Variants in SOX9 observed in about 807,000 individuals in gnomAD.
SOX9 encodes transcription factor SOX-9.
Under a neutral mutation model 44.8 loss-of-function variants are expected in SOX9, and 2 were observed. That is an observed-to-expected ratio of 0.04 (90% CI 0.02 to 0.14). SOX9 has a LOEUF of 0.14. SOX9 is among the 10% of genes least tolerant of loss of function. The pLI, the probability that SOX9 is intolerant of heterozygous loss-of-function variation, is 1.00. For missense variants in SOX9, 583 were observed against 728.6 expected (o/e 0.80, Z 2.30); for synonymous variants, 381 against 331.8 (o/e 1.15, Z -1.61).
At position 72,124,326 on chromosome 17, in the gene SOX9, C is replaced by T. The variant is rs769231694; in HGVS notation, c.1469C>T (p.Pro490Leu). Residue 490 changes from proline (P) to leucine (L), a missense_variant, in exon 3 of 3, where the codon CCG becomes CTG. By Grantham distance (98) the Pro-to-Leu change is moderately conservative (BLOSUM62 -3). This residue lies in a region of SOX9 where 349 missense variants were observed against 387.0 expected (regional missense o/e 0.90). Coordinates refer to ENST00000245479, the MANE Select transcript of SOX9 (RefSeq NM_000346.4). This position sits in a 1 kb window ranked among gnomAD's most constrained non-coding sequence, Gnocchi z 4.6. Reference sequence around the variant, plus strand: ...GACACCTCTGGGGTCCCTTCCATCCCGCAGACCCACAGCCCCCAGCACTGG... The same window carrying T: ...GACACCTCTGGGGTCCCTTCCATCCTGCAGACCCACAGCCCCCAGCACTGG... ...IADTSGVPSI[P>L]QTHSPQHWEQ... 3 of 1,603,804 alleles carry T rather than the reference C, an allele frequency of 1.9e-6. No homozygotes were observed. The highest frequency in any genetic ancestry group is 1.3e-5 in the African/African-American group (1 of 74,978).
rs184391511 is a variant in SOX9 at position 72,121,201 on chromosome 17, G to T, written c.-191G>T. On this transcript the variant is annotated 5_prime_UTR_variant, in exon 1 of 3. Coordinates refer to ENST00000245479, the MANE Select transcript of SOX9 (RefSeq NM_000346.4). This position sits in a 1 kb window ranked among gnomAD's most constrained non-coding sequence, Gnocchi z 8.3. ...ATTCGCCTCCCCCCACTTGGAGCGG[G>T]CAGCTGTGAACTGGCCACCCCGCGC... 6.4e-5 allele frequency: 38 copies of T among 596,440 alleles called. No individual in the cohort carries two copies. The African/African-American group carries it at 7.1e-4, about 11-fold the overall frequency. 36.9% of individuals were successfully genotyped at this position (596,440 alleles called of 1,614,324 possible).
At position 72,123,996 on chromosome 17, in the gene SOX9, A is replaced by ACACGCTGAC. The variant is rs1486257792; in HGVS notation, c.1148_1156dup (p.Thr383_Leu385dup). The stretch of plus-strand genomic sequence containing the variant: ...GCACCCCCGCAGCAGCCACAGGCGC[A>ACACGCTGAC]CACGCTGACCACGCTGAGCAGCGAG... On this transcript the variant is annotated inframe_insertion, in exon 3 of 3. Transcript: ENST00000245479. This position sits in a 1 kb window ranked among gnomAD's most constrained non-coding sequence, Gnocchi z 6.5. The ACACGCTGAC allele has an allele frequency of 1.3e-6, 2 of 1,599,230 alleles. No homozygotes were observed. The highest frequency in any genetic ancestry group is 2.2e-5 in the East Asian group (1 of 44,490).
rs780987236 is a variant in SOX9 at position 72,123,785 on chromosome 17, C to A, written c.928C>A (p.His310Asn). 1 of 1,613,076 alleles carries A rather than the reference C, an allele frequency of 6.2e-7. No homozygotes were observed. The highest frequency in any genetic ancestry group is 1.3e-5 in the African/African-American group (1 of 75,060). Residue 310 changes from histidine to asparagine, a missense_variant, in exon 3 of 3, where the codon CAC (histidine) becomes AAC (asparagine). By Grantham distance (68) the His-to-Asn change is moderately conservative (BLOSUM62 1). This residue lies in a region of SOX9 where 349 missense variants were observed against 387.0 expected (regional missense o/e 0.90). Coordinates refer to ENST00000245479, the MANE Select transcript of SOX9 (RefSeq NM_000346.4). This position sits in a 1 kb window ranked among gnomAD's most constrained non-coding sequence, Gnocchi z 6.5. ...CGGCCACCCGGGGGTGCCGGCCACG[C>A]ACGGCCAGGTCACCTACACGGGCAG... ...PNGHPGVPAT[H>N]GQVTYTGSYG... is the part of the protein sequence containing the mutation.
In SOX9 at chr17:72,123,866, T is replaced by C. The variant is rs774405051; in HGVS notation, c.1009T>C (p.Ser337Pro). ...GGCGAGCGCGGGCCACGTGTGGATG[T>C]CCAAGCAGCAGGCGCCGCCGCCACC... is the stretch of plus-strand genomic sequence containing the variant. ...TPASAGHVWM[S>P]KQQAPPPPPQ... is the part of the protein sequence containing the mutation. Residue 337 changes from serine (S) to proline (P), a missense_variant, in exon 3 of 3, where the codon TCC (serine) becomes CCC (proline). Coordinates refer to ENST00000245479, the MANE Select transcript of SOX9 (RefSeq NM_000346.4). This position sits in a 1 kb window ranked among gnomAD's most constrained non-coding sequence, Gnocchi z 6.5. 11 of 1,560,232 alleles carry C rather than the reference T, an allele frequency of 7.1e-6. No individual in the cohort carries two copies. The highest frequency in any genetic ancestry group is 9.5e-6 in the Non-Finnish European group (11 of 1,154,440).
chr17:72,123,807 G>A lies in SOX9; in HGVS notation c.950G>A (p.Gly317Asp), dbSNP rs749288263. Residue 317 changes from glycine to aspartate, a missense_variant, in exon 3 of 3, where the codon GGC becomes GAC. Gly to Asp is a moderately conservative substitution (Grantham distance 94, BLOSUM62 -1). This residue lies in a region of SOX9 where 349 missense variants were observed against 387.0 expected (regional missense o/e 0.90). Coordinates refer to ENST00000245479, the MANE Select transcript of SOX9 (RefSeq NM_000346.4). This position sits in a 1 kb window ranked among gnomAD's most constrained non-coding sequence, Gnocchi z 6.5. ...ACGCACGGCCAGGTCACCTACACGG[G>A]CAGCTACGGCATCAGCAGCACCGCG... Reference protein sequence around the residue: ...PATHGQVTYTGSYGISSTAAT... With the variant: ...PATHGQVTYTDSYGISSTAAT... 6 of 1,611,758 alleles carry A rather than the reference G, an allele frequency of 3.7e-6. No homozygotes were observed. Among genetic ancestry groups the A allele is most frequent in the Admixed American group, 3.3e-5 (2 of 59,958 alleles).
In SOX9 at chr17:72,123,565, C is replaced by G. The variant is rs2143250205; in HGVS notation, c.708C>G (p.Thr236=). 6.2e-6 allele frequency: 10 copies of G among 1,614,018 alleles called. No individual in the cohort carries two copies. The highest frequency in any genetic ancestry group is 8.5e-6 in the Non-Finnish European group (10 of 1,179,916). The change falls in exon 3 of 3, where the codon ACC becomes ACG. Residue 236 remains threonine, a synonymous_variant. Coordinates refer to ENST00000245479, the MANE Select transcript of SOX9 (RefSeq NM_000346.4). This position sits in a 1 kb window ranked among gnomAD's most constrained non-coding sequence, Gnocchi z 6.5. ...CAGGGCAATCCCAGGGCCCACCGAC[C>G]CCACCCACCACCCCCAAAACCGACG... is the stretch of plus-strand genomic sequence containing the variant. ...EHSGQSQGPP[T]PPTTPKTDVQ...
Position 72,121,200 on chromosome 17 carries a change from G to T in SOX9, c.-192G>T, listed in dbSNP as rs1411177363. Reference sequence around the variant, plus strand: ...AATTCGCCTCCCCCCACTTGGAGCGGGCAGCTGTGAACTGGCCACCCCGCG... The same window carrying T: ...AATTCGCCTCCCCCCACTTGGAGCGTGCAGCTGTGAACTGGCCACCCCGCG... On this transcript the variant is annotated 5_prime_UTR_variant, in exon 1 of 3. Coordinates refer to ENST00000245479, the MANE Select transcript of SOX9 (RefSeq NM_000346.4). This position sits in a 1 kb window ranked among gnomAD's most constrained non-coding sequence, Gnocchi z 8.3. The T allele has an allele frequency of 1.3e-5, 8 of 596,056 alleles. No homozygotes were observed. Among genetic ancestry groups the T allele is most frequent in the Non-Finnish European group, 2.4e-5 (8 of 338,362 alleles). The allele number at this position is 596,056 out of a possible 1,614,324, so 36.9% of individuals were successfully genotyped here.
rs929651 is a variant in SOX9 at position 72,123,970 on chromosome 17, G to T, written c.1113G>T (p.Ala371=). The part of the protein sequence containing the change: ...QPQAAPPQQP[A]APPQQPQAHT... The stretch of plus-strand genomic sequence containing the variant: ...AGGCGGCGCCCCCACAGCAGCCGGC[G>T]GCACCCCCGCAGCAGCCACAGGCGC... The change falls in exon 3 of 3, where the codon GCG becomes GCT. Residue 371 remains alanine, a synonymous_variant. Coordinates refer to ENST00000245479, the MANE Select transcript of SOX9 (RefSeq NM_000346.4). The surrounding 1 kb of genome is among the most constrained non-coding windows in gnomAD (Gnocchi z 6.5). 1.4e-6 allele frequency: 2 copies of T among 1,467,742 alleles called. No individual in the cohort carries two copies. The highest frequency in any genetic ancestry group is 9.0e-7 in the Non-Finnish European group (1 of 1,111,254). The allele number at this position is 1,467,742 out of a possible 1,614,324, so 90.9% of individuals were successfully genotyped here.
chr17:72,124,838 A>T lies in SOX9; in HGVS notation c.*451A>T. On this transcript the variant is annotated 3_prime_UTR_variant, in exon 3 of 3. Transcript: ENST00000245479. The surrounding 1 kb of genome is among the most constrained non-coding windows in gnomAD (Gnocchi z 4.6). ...ATTCTCTATTTTAAATATTTTTAGT[A>T]TGTACTGTGTATGATTCATTACCAT... The T allele has an allele frequency of 2.9e-6, 1 of 350,220 alleles. No individual in the cohort carries two copies. The highest frequency in any genetic ancestry group is 5.3e-6 in the Non-Finnish European group (1 of 187,504). 21.7% of individuals were successfully genotyped at this position (350,220 alleles called of 1,614,324 possible). A position where few individuals can be genotyped will look rare whatever the true frequency, so the allele number is the denominator to read the frequency against.
rs2143250170 is a variant in SOX9 at position 72,123,562 on chromosome 17, G to A, written c.705G>A (p.Pro235=). ...GEHSGQSQGP[P]TPPTTPKTDV... ...CCACAGGGCAATCCCAGGGCCCACC[G>A]ACCCCACCCACCACCCCCAAAACCG... Residue 235 remains proline (P), a synonymous_variant, in exon 3 of 3, where the codon CCG becomes CCA. Transcript: ENST00000245479. The surrounding 1 kb of genome is among the most constrained non-coding windows in gnomAD (Gnocchi z 6.5). The A allele has an allele frequency of 6.2e-7, 1 of 1,614,050 alleles. No individual in the cohort carries two copies. Among genetic ancestry groups the A allele is most frequent in the East Asian group, 2.2e-5 (1 of 44,848 alleles).
Position 72,122,606 on chromosome 17 carries a change from AGGAAGCCGAGTGGTCTG to A in SOX9, c.432-110_432-94del, listed in dbSNP as rs1369560330. Reference sequence around the variant, plus strand: ...GGAGGGAAGATGGAGTTGTGTGCAGAGGAAGCCGAGTGGTCTGGGTCGCCGCCTCCTCCCCGCCGACC... The same window carrying A: ...GGAGGGAAGATGGAGTTGTGTGCAGAGGTCGCCGCCTCCTCCCCGCCGACC... On this transcript the variant is annotated intron_variant, in intron 1 of 2. Coordinates refer to ENST00000245479, the MANE Select transcript of SOX9 (RefSeq NM_000346.4). 1.1e-5 allele frequency: 10 copies of A among 915,922 alleles called. No individual in the cohort carries two copies. In the African/African-American group the frequency reaches 1.1e-4, roughly 10 times the overall value. The allele number at this position is 915,922 out of a possible 1,614,324, so 56.7% of individuals were successfully genotyped here.
Position 72,126,316 on chromosome 17 carries a change from C to T in SOX9, c.*1929C>T, listed in dbSNP as rs1315296581. 2 of 232,120 alleles carry T rather than the reference C, an allele frequency of 8.6e-6. No individual in the cohort carries two copies. 14.4% of individuals were successfully genotyped at this position (232,120 alleles called of 1,614,324 possible). The stretch of plus-strand genomic sequence containing the variant: ...GTTTCACTTGTTTCCCTCCCAGCCC[C>T]AAACCTTTTGTTCTCTCCGTGAAAC... On this transcript the variant is annotated 3_prime_UTR_variant, in exon 3 of 3. Transcript: ENST00000245479.
Position 72,124,130 on chromosome 17 carries a change from C to A in SOX9, c.1273C>A (p.Leu425Ile), listed in dbSNP as rs1598176919. The change falls in exon 3 of 3, where the codon CTC (leucine) becomes ATC (isoleucine). Residue 425 changes from leucine to isoleucine, a missense_variant. Coordinates refer to ENST00000245479, the MANE Select transcript of SOX9 (RefSeq NM_000346.4). This position sits in a 1 kb window ranked among gnomAD's most constrained non-coding sequence, Gnocchi z 4.6. ...PQQIAYSPFN[L>I]PHYSPSYPPI... is the part of the protein sequence containing the mutation. Reference sequence around the variant, plus strand: ...ACAGATCGCCTACAGCCCCTTCAACCTCCCACACTACAGCCCCTCCTACCC... The same window carrying A: ...ACAGATCGCCTACAGCCCCTTCAACATCCCACACTACAGCCCCTCCTACCC... 1 of 1,613,900 alleles carries A rather than the reference C, an allele frequency of 6.2e-7. No homozygotes were observed. The highest frequency in any genetic ancestry group is 8.5e-7 in the Non-Finnish European group (1 of 1,180,034).
In SOX9 at chr17:72,124,168, C is replaced by G. The variant is rs777856321; in HGVS notation, c.1311C>G (p.Arg437=). ...GCCCCTCCTACCCGCCCATCACCCG[C>G]TCACAGTACGACTACACCGACCACC... is the stretch of plus-strand genomic sequence containing the variant. The part of the protein sequence containing the change: ...HYSPSYPPIT[R]SQYDYTDHQN... The change falls in exon 3 of 3, where the codon CGC becomes CGG. Residue 437 remains arginine (R), a synonymous_variant. Transcript: ENST00000245479. This position sits in a 1 kb window ranked among gnomAD's most constrained non-coding sequence, Gnocchi z 4.6. 1 of 1,613,942 alleles carries G rather than the reference C, an allele frequency of 6.2e-7. No individual in the cohort carries two copies. Among genetic ancestry groups the G allele is most frequent in the Non-Finnish European group, 8.5e-7 (1 of 1,180,034 alleles).
In SOX9 at chr17:72,123,880, G is replaced by A. The variant is rs1482252629; in HGVS notation, c.1023G>A (p.Ala341=). 4 of 1,507,302 alleles carry A rather than the reference G, an allele frequency of 2.7e-6. No individual in the cohort carries two copies. The South Asian group carries it at 5.1e-5, about 19-fold the overall frequency. The allele number at this position is 1,507,302 out of a possible 1,614,324, so 93.4% of individuals were successfully genotyped here. The change falls in exon 3 of 3, where the codon GCG becomes GCA. Residue 341 remains alanine, a synonymous_variant. Coordinates refer to ENST00000245479, the MANE Select transcript of SOX9 (RefSeq NM_000346.4). This position sits in a 1 kb window ranked among gnomAD's most constrained non-coding sequence, Gnocchi z 6.5. ...ACGTGTGGATGTCCAAGCAGCAGGC[G>A]CCGCCGCCACCCCCGCAGCAGCCCC... is the stretch of plus-strand genomic sequence containing the variant. The part of the protein sequence containing the change: ...AGHVWMSKQQ[A]PPPPPQQPPQ...
At chr17:72,122,676 CT>C (rs1316677867) in intron 1 of SOX9, 42 bp from the exon 2 acceptor site, 4 of 1,598,446 alleles carry the variant, frequency 2.5e-6, no homozygotes, top group Non-Finnish European at 8.5e-7. Context: ...TCACTGACCC[CT>C]CTCCCTCTTT....
Position 72,124,841 on chromosome 17 carries a change from T to G in SOX9, c.*454T>G. On this transcript the variant is annotated 3_prime_UTR_variant, in exon 3 of 3. Transcript: ENST00000245479. The surrounding 1 kb of genome is among the most constrained non-coding windows in gnomAD (Gnocchi z 4.6). ...CTCTATTTTAAATATTTTTAGTATG[T>G]ACTGTGTATGATTCATTACCATTTT... 3.0e-6 allele frequency: 1 copy of G among 333,476 alleles called. No individual in the cohort carries two copies. The highest frequency in any genetic ancestry group is 5.6e-6 in the Non-Finnish European group (1 of 178,072). 20.7% of individuals were successfully genotyped at this position (333,476 alleles called of 1,614,324 possible).
Position 72,124,563 on chromosome 17 carries a change from C to A in SOX9, c.*176C>A, listed in dbSNP as rs909695704. 1.2e-6 allele frequency: 1 copy of A among 808,486 alleles called. No individual in the cohort carries two copies. The highest frequency in any genetic ancestry group is 2.0e-6 in the Non-Finnish European group (1 of 501,496). The allele number at this position is 808,486 out of a possible 1,614,324, so 50.1% of individuals were successfully genotyped here. ...CATTTAAGCTAAAGGCAACTCGTAC[C>A]CAAATTTCCAAGACACAAACATGAC... On this transcript the variant is annotated 3_prime_UTR_variant, in exon 3 of 3. Transcript: ENST00000245479. The surrounding 1 kb of genome is among the most constrained non-coding windows in gnomAD (Gnocchi z 4.6).
Position 72,124,331 on chromosome 17 carries a change from A to ACCCACAGC in SOX9, c.1478_1485dup (p.Gln496ThrfsTer30). The stretch of plus-strand genomic sequence containing the variant: ...CTCTGGGGTCCCTTCCATCCCGCAG[A>ACCCACAGC]CCCACAGCCCCCAGCACTGGGAACA... On this transcript the variant is annotated frameshift_variant, in exon 3 of 3. Coordinates refer to ENST00000245479, the MANE Select transcript of SOX9 (RefSeq NM_000346.4). LOFTEE classifies it high-confidence loss of function. The surrounding 1 kb of genome is among the most constrained non-coding windows in gnomAD (Gnocchi z 4.6). 6.2e-7 allele frequency: 1 copy of ACCCACAGC among 1,602,918 alleles called. No individual in the cohort carries two copies. The highest frequency in any genetic ancestry group is 8.5e-7 in the Non-Finnish European group (1 of 1,179,926).
Sources: gnomAD v4.1 joint callset for allele counts on GRCh38, gnomAD v4.1.1 for gene constraint, gnomAD v4.1.1 regional missense constraint, Gnocchi (gnomAD v3.1) non-coding constraint, MANE v1.5 for transcripts, NCBI Gene and HGNC (gene_info 2026-07-23, HGNC 2026-07-21) for gene names.